Variants in NRG1 observed in about 807,000 individuals in gnomAD.
NRG1 encodes the protein neuregulin 1, also known as pro-neuregulin-1, membrane-bound isoform.
Under a neutral mutation model 63.8 loss-of-function variants are expected in NRG1, and 18 were observed. The ratio of observed to expected loss-of-function variants is 0.28; its 90% CI spans 0.19 to 0.42. NRG1 has a LOEUF of 0.42. Ranked by LOEUF, NRG1 falls within the 10% of genes least tolerant of loss-of-function variation. The probability of loss-of-function intolerance (pLI) is 1.00; values close to 1 mark genes in which losing one functional copy is unlikely to be tolerated. For synonymous variants in NRG1, 302 were observed against 301.3 expected, an observed-to-expected ratio of 1.00 and a Z score of -0.02; for missense variants, 762 against 814.7, an observed-to-expected ratio of 0.94 and a Z score of 0.79.
chr8:32,076,953 T>C (rs1382392632), intron 1 of NRG1, among the ~76,000 whole-genome samples: 2 of 152,220 alleles, frequency 1.3e-5, no homozygotes, highest in African/African-American at 4.8e-5. Context: ...AAACTTGGTT[T>C]GTCCTAGGTC....
intron 1 of NRG1, among the ~76,000 whole-genome samples, chr8:31,998,519 A>G (rs1812398859): frequency 6.6e-6 from 1 of 152,174 alleles, no homozygotes; most frequent in Non-Finnish European, 1.5e-5. Flanking sequence ...AAAGAAGAGG[A>G]AAAGACAAAT....
intron 1 of NRG1, among the ~76,000 whole-genome samples, chr8:31,703,252 T>C (rs2131202081): frequency 6.6e-6 from 1 of 151,878 alleles, no homozygotes; most frequent in Middle Eastern, 3.4e-3. Flanking sequence ...AGCAATATAC[T>C]GTGTCTACAG....
intron 1 of NRG1, among the ~76,000 whole-genome samples, chr8:32,310,539 T>C (rs1856700566): frequency 6.6e-6 from 1 of 152,198 alleles, no homozygotes; most frequent in Non-Finnish European, 1.5e-5. Flanking sequence ...TAAGCCAACA[T>C]AGATGCCAGG....
intron 1 of NRG1, among the ~76,000 whole-genome samples, chr8:32,459,544 G>T (rs1381539565): frequency 1.3e-5 from 2 of 151,808 alleles, no homozygotes; most frequent in Non-Finnish European, 2.9e-5. Flanking sequence ...GGCTGAGGTG[G>T]GAGGATTGCT....
At chr8:32,479,276 G>A (rs1824924702) in intron 1 of NRG1, among the ~76,000 whole-genome samples, 1 of 152,008 alleles carries the variant, frequency 6.6e-6, no homozygotes, top group Non-Finnish European at 1.5e-5. Context: ...AGGAGCTTGA[G>A]ACCAGCCTGG....
chr8:32,660,252 T>G (rs1253746612), intron 5 of NRG1, among the ~76,000 whole-genome samples: 1 of 152,188 alleles, frequency 6.6e-6, no homozygotes, highest in Non-Finnish European at 1.5e-5. Context: ...AATGCAAACA[T>G]TCCAAAATCC....
intron 1 of NRG1, among the ~76,000 whole-genome samples, chr8:31,939,658 C>A (rs1408676091): frequency 6.6e-6 from 1 of 152,038 alleles, no homozygotes; most frequent in African/African-American, 2.4e-5. Context: ...ACCAAGTTTT[C>A]TTCTGTTTTT....
chr8:32,541,954 C>A (rs916206767), intron 1 of NRG1, among the ~76,000 whole-genome samples: 3 of 152,158 alleles, frequency 2.0e-5, no homozygotes, highest in African/African-American at 7.2e-5. Context: ...GAAAAATAAT[C>A]TTAATGACGA....
chr8:32,328,008 A>G (rs534124038), intron 1 of NRG1, among the ~76,000 whole-genome samples: 28 of 152,234 alleles, frequency 1.8e-4, no homozygotes, highest in Admixed American at 4.6e-4. Flanking sequence ...CAAATCTTTA[A>G]TGTGGAAAGA....
chr8:31,921,845 A>T (rs572856940), intron 1 of NRG1, among the ~76,000 whole-genome samples: 2 of 152,282 alleles, frequency 1.3e-5, no homozygotes, highest in South Asian at 4.1e-4. Flanking sequence ...CATCATCTAA[A>T]CCCTTAACTA....
chr8:32,456,131 C>CTTT lies in NRG1; in HGVS notation c.38-139695_38-139693dup, dbSNP rs528483683. 5.3e-5 allele frequency among the ~76,000 whole-genome samples: 8 copies of CTTT among 152,300 alleles called. No individual in the cohort carries two copies. In the East Asian group the frequency reaches 1.5e-3, roughly 29 times the overall value. ...TTAGAGGAAAAACTGTTCAAACAAC[C>CTTT]TTTTATTCATAGACCCATGTTATTT... On this transcript the variant is annotated intron_variant, in intron 1 of 10. Coordinates refer to the NRG1 transcript ENST00000519301.
At chr8:31,869,440 C>T (rs1179197261) in intron 1 of NRG1, among the ~76,000 whole-genome samples, 2 of 152,216 alleles carry the variant, frequency 1.3e-5, no homozygotes, top group Admixed American at 1.3e-4. Flanking sequence ...AATTTCCCCA[C>T]TAGCATGCCA....
intron 1 of NRG1, among the ~76,000 whole-genome samples, chr8:32,443,924 C>T (rs1819893298): frequency 6.6e-6 from 1 of 152,052 alleles, no homozygotes; most frequent in South Asian, 2.1e-4. Flanking sequence ...GGATCAATAT[C>T]ATGGCACAAT....
intron 1 of NRG1, among the ~76,000 whole-genome samples, chr8:32,543,266 A>G (rs1340166995): frequency 6.6e-6 from 1 of 152,152 alleles, no homozygotes; most frequent in African/African-American, 2.4e-5. Context: ...TTGACACACA[A>G]ATAAACAGAT....
At chr8:32,090,876 C>T (rs1458797145) in intron 1 of NRG1, among the ~76,000 whole-genome samples, 95 of 152,190 alleles carry the variant, frequency 6.2e-4, no homozygotes, top group Non-Finnish European at 3.1e-4. Context: ...GTCACTACCA[C>T]GACCATCATC....
intron 1 of NRG1, among the ~76,000 whole-genome samples, chr8:32,432,409 A>C (rs1010347074): frequency 2.0e-5 from 3 of 152,194 alleles, no homozygotes; most frequent in African/African-American, 7.2e-5. Flanking sequence ...GAGTTTAAAA[A>C]ATTTGCCCAA....
At chr8:32,005,023 G>T (rs376272009) in intron 1 of NRG1, among the ~76,000 whole-genome samples, 27 of 145,788 alleles carry the variant, frequency 1.9e-4, no homozygotes, top group African/African-American at 6.0e-4. Context: ...AGGAAGAAAA[G>T]AAAAGAAGGA....
chr8:32,607,259 A>G (rs1345742985), intron 3 of NRG1, among the ~76,000 whole-genome samples: 1 of 152,190 alleles, frequency 6.6e-6, no homozygotes, highest in East Asian at 1.9e-4. Flanking sequence ...TGAAACACAC[A>G]TTAAAAAATT....
chr8:32,192,379 A>G (rs1842575915), intron 1 of NRG1, among the ~76,000 whole-genome samples: 1 of 152,218 alleles, frequency 6.6e-6, no homozygotes, highest in Admixed American at 6.5e-5. Context: ...TACATATGAT[A>G]CGTATACACC....
Sources: gnomAD v4.1 joint callset for allele counts (sites outside exome capture counted in the v4.1 genomes callset) on GRCh38, gnomAD v4.1.1 for gene constraint, MANE v1.5 for transcripts, NCBI Gene and HGNC (gene_info 2026-07-23, HGNC 2026-07-21) for gene names.